LMNTD1: variants seen among roughly 807,000 people sequenced by gnomAD.
The protein encoded by LMNTD1 is lamin tail domain-containing protein 1.
In LMNTD1, 35 loss-of-function variants were observed where a neutral mutation model predicts 50.9. The observed-to-expected ratio is 0.69, with a 90% CI of 0.53 to 0.91. LMNTD1 has a LOEUF of 0.91. Among genes scored for constraint, LMNTD1 ranks in the 40% least tolerant of loss-of-function variants. The probability of loss-of-function intolerance (pLI) is 0.00; values close to 1 mark genes in which losing one functional copy is unlikely to be tolerated. For synonymous variants in LMNTD1, 153 were observed against 161.9 expected, an observed-to-expected ratio of 0.94 and a Z score of 0.42; for missense variants, 470 against 475.5, an observed-to-expected ratio of 0.99 and a Z score of 0.11.
intron 4 of LMNTD1, among the ~76,000 whole-genome samples, chr12:25,537,228 G>T (rs142341729): frequency 0.019 from 2,953 of 152,308 alleles, 113 homozygotes; most frequent in African/African-American, 0.067. Context: ...GCCTACCACA[G>T]CTCAAGGAGG....
chr12:25,629,896 C>T (rs1013460668), intron 1 of LMNTD1, among the ~76,000 whole-genome samples: 1 of 152,106 alleles, frequency 6.6e-6, no homozygotes, highest in Non-Finnish European at 1.5e-5. Flanking sequence ...AGAGATCTGA[C>T]TTTAATTAGA....
intron 1 of LMNTD1, among the ~76,000 whole-genome samples, chr12:25,559,789 A>G (rs1353070851): frequency 1.3e-5 from 2 of 152,206 alleles, no homozygotes; most frequent in East Asian, 3.8e-4. Context: ...CATTTCTCTG[A>G]TGGCCAGTGA....
intron 1 of LMNTD1, among the ~76,000 whole-genome samples, chr12:25,638,867 C>T (rs1299266401): frequency 3.9e-5 from 6 of 152,034 alleles, no homozygotes; most frequent in Admixed American, 3.9e-4. Context: ...ATAACCAAAA[C>T]AATCTGGAGA....
At chr12:25,500,123 A>G (rs1939304684) in intron 9 of LMNTD1, 1 of 152,234 alleles carries the variant, frequency 6.6e-6, no homozygotes, top group South Asian at 2.1e-4. Context: ...TTGATAGATC[A>G]GCTTGGGGCT....
chr12:25,629,241 T>C (rs1946661764), intron 1 of LMNTD1, among the ~76,000 whole-genome samples: 1 of 152,220 alleles, frequency 6.6e-6, no homozygotes, highest in Admixed American at 6.5e-5. Context: ...TAAACGATAG[T>C]AGAGTTACGG....
chr12:25,624,702 G>T (rs1946548830), intron 1 of LMNTD1, among the ~76,000 whole-genome samples: 1 of 152,190 alleles, frequency 6.6e-6, no homozygotes, highest in Non-Finnish European at 1.5e-5. Context: ...TATAGTTGTT[G>T]TTCAAGGTAA....
intron 9 of LMNTD1, among the ~76,000 whole-genome samples, chr12:25,482,167 C>T (rs1209109045): frequency 1.3e-5 from 2 of 151,992 alleles, no homozygotes; most frequent in East Asian, 1.9e-4. Context: ...TTGCTGTCAT[C>T]AGCATGTACA....
Position 25,520,015 on chromosome 12 carries a change from C to T in LMNTD1, c.859G>A (p.Val287Ile), listed in dbSNP as rs772520318. 3 of 1,613,442 alleles carry T rather than the reference C, an allele frequency of 1.9e-6. No homozygotes were observed. The highest frequency in any genetic ancestry group is 2.5e-6 in the Non-Finnish European group (3 of 1,179,862). Residue 287 changes from valine to isoleucine, a missense_variant, in exon 7 of 10, where the codon GTT becomes ATT. Coordinates refer to ENST00000458174, the MANE Select transcript of LMNTD1 (RefSeq NM_001145728.2). The stretch of plus-strand genomic sequence containing the variant: ...ACTACTGAACATCTGTTAAATTCAA[C>T]GTCAGCATCTAATTTTTCCCACGCT... The part of the protein sequence containing the change: ...KQAWEKLDAD[V>I]EFNRCSVVSP...
chr12:25,633,830 G>A (rs1946767830), intron 1 of LMNTD1, among the ~76,000 whole-genome samples: 3 of 151,896 alleles, frequency 2.0e-5, no homozygotes, highest in African/African-American at 7.3e-5. Context: ...CAAGACCAGA[G>A]CAGAACTAAA....
intron 9 of LMNTD1, 59 bp downstream of exon 9, chr12:25,503,679 A>G: frequency 1.2e-6 from 1 of 862,326 alleles, no homozygotes; most frequent in Non-Finnish European, 1.9e-6. Flanking sequence ...ATTTCTGCCC[A>G]TTACTTTAGT....
intron 1 of LMNTD1, among the ~76,000 whole-genome samples, chr12:25,618,863 A>G (rs1380013610): frequency 2.0e-5 from 3 of 152,228 alleles, no homozygotes; most frequent in African/African-American, 4.8e-5. Context: ...TGCCTTATCC[A>G]TGGTACATGG....
At chr12:25,547,574 T>C (rs546956273) in intron 3 of LMNTD1, among the ~76,000 whole-genome samples, 1 of 151,636 alleles carries the variant, frequency 6.6e-6, no homozygotes, top group Non-Finnish European at 1.5e-5. Context: ...CAAAACAAGG[T>C]GAAAGATATA....
In LMNTD1 at chr12:25,640,777, C is replaced by T. The variant is rs1348694740; in HGVS notation, c.58+7717G>A. On this transcript the variant is annotated intron_variant, in intron 1 of 7. Transcript: ENST00000445693. ...TCCCGGGTTCACGCCATTCTCCTGC[C>T]TAAGCCTCCCGAGTAGCTGGGACTA... 2.6e-5 allele frequency among the ~76,000 whole-genome samples: 4 copies of T among 152,030 alleles called. No individual in the cohort carries two copies. In the East Asian group the frequency reaches 7.8e-4, roughly 30 times the overall value.
At chr12:25,627,061 C>A (rs1365201967) in intron 1 of LMNTD1, among the ~76,000 whole-genome samples, 1 of 152,166 alleles carries the variant, frequency 6.6e-6, no homozygotes, top group East Asian at 1.9e-4. Flanking sequence ...CCAGAAAACA[C>A]CATCATGCTA....
chr12:25,510,083 G>T (rs1267763714), intron 8 of LMNTD1, among the ~76,000 whole-genome samples: 1 of 152,070 alleles, frequency 6.6e-6, no homozygotes, highest in Non-Finnish European at 1.5e-5. Flanking sequence ...GACAACATCG[G>T]TATTATTTTG....
chr12:25,519,514 C>A (rs1053982765), intron 7 of LMNTD1, among the ~76,000 whole-genome samples: 2 of 145,042 alleles, frequency 1.4e-5, no homozygotes, highest in Non-Finnish European at 3.0e-5. Context: ...CGTGAACCGG[C>A]AGGGCGGAGC....
chr12:25,564,918 A>G (rs950724746), intron 1 of LMNTD1, among the ~76,000 whole-genome samples: 1 of 152,134 alleles, frequency 6.6e-6, no homozygotes, highest in Non-Finnish European at 1.5e-5. Flanking sequence ...AGTATTGGGC[A>G]CATATATATT....
intron 4 of LMNTD1, among the ~76,000 whole-genome samples, chr12:25,532,507 G>T (rs1193190546): frequency 6.6e-6 from 1 of 151,984 alleles, no homozygotes; most frequent in Non-Finnish European, 1.5e-5. Context: ...TTTCAAAATT[G>T]GCAGCTGTTT....
intron 1 of LMNTD1, among the ~76,000 whole-genome samples, chr12:25,620,849 C>T (rs965499174): frequency 6.6e-6 from 1 of 152,174 alleles, no homozygotes. Context: ...ATGTCAAGTG[C>T]TTTATACGCG....
Sources: gnomAD v4.1 joint callset for allele counts (sites outside exome capture counted in the v4.1 genomes callset) on GRCh38, gnomAD v4.1.1 for gene constraint, MANE v1.5 for transcripts, NCBI Gene and HGNC (gene_info 2026-07-23, HGNC 2026-07-21) for gene names.